Variants in CBLN2 observed in about 807,000 individuals in gnomAD.
The protein encoded by CBLN2 is cerebellin 2 precursor, also known as cerebellin-2.
A neutral mutation model predicts 15.0 loss-of-function variants in CBLN2; 7 were observed. The ratio of observed to expected loss-of-function variants is 0.47; its 90% CI spans 0.27 to 0.88. The LOEUF (loss-of-function observed/expected upper bound fraction) is 0.88, where lower values mean the gene tolerates loss of function less well. Among genes scored for constraint, CBLN2 ranks in the 40% least tolerant of loss-of-function variants. The pLI is 0.14. For missense variants in CBLN2, 242 were observed against 304.5 expected, an observed-to-expected ratio of 0.79 and a Z score of 1.53; for synonymous variants, 149 against 135.2, an observed-to-expected ratio of 1.10 and a Z score of -0.71.
chr18:72,540,028 C>T (rs956668506), intron 3 of CBLN2: 2 of 152,220 alleles, frequency 1.3e-5, no homozygotes, highest in Non-Finnish European at 2.9e-5. Context: ...GCTTCTTCAA[C>T]CCAGCTGTGA....
intron 4 of CBLN2, 108 bp downstream of exon 4, chr18:72,538,545 C>A: frequency 6.6e-7 from 1 of 1,506,640 alleles, no homozygotes; most frequent in Non-Finnish European, 9.1e-7. Context: ...ACCCCCTGGA[C>A]AGACCAGTAC....
At chr18:72,545,840 G>A (rs1253361051), upstream of CBLN2, among the ~76,000 whole-genome samples, 2 of 152,168 alleles carry the variant, frequency 1.3e-5, no homozygotes, top group African/African-American at 2.4e-5. Flanking sequence ...AATACTGTAA[G>A]CATTCCTTTT....
chr18:72,601,822 G>T (rs1375367397), intron 1 of CBLN2, among the ~76,000 whole-genome samples: 1 of 152,180 alleles, frequency 6.6e-6, no homozygotes, highest in African/African-American at 2.4e-5. Context: ...CCCCTCCACA[G>T]ACTCTTTTGT....
chr18:72,625,923 G>A (rs1024128952), intron 1 of CBLN2, among the ~76,000 whole-genome samples: 1 of 150,042 alleles, frequency 6.7e-6, no homozygotes, highest in Non-Finnish European at 1.5e-5. Flanking sequence ...TGTTGTGATT[G>A]AGGCTACTCC....
chr18:72,555,984 T>G (rs971382647), intron 1 of CBLN2, among the ~76,000 whole-genome samples: 3 of 152,156 alleles, frequency 2.0e-5, no homozygotes, highest in African/African-American at 4.8e-5. Flanking sequence ...CACCCCCCAG[T>G]TGAACCATTC....
chr18:72,615,184 T>TAGAAAA (rs1207034773), intron 1 of CBLN2, among the ~76,000 whole-genome samples: 1 of 133,234 alleles, frequency 7.5e-6, no homozygotes, highest in Non-Finnish European at 1.6e-5. Context: ...TATTTATATA[T>TAGAAAA]TATATATAAA....
intron 1 of CBLN2, among the ~76,000 whole-genome samples, chr18:72,633,035 G>T (rs1200472477): frequency 6.6e-6 from 1 of 152,122 alleles, no homozygotes; most frequent in African/African-American, 2.4e-5. Flanking sequence ...TTTGTTAAAT[G>T]AAAAAGTCGC....
chr18:72,561,470 C>T (rs2069260958), intron 1 of CBLN2, among the ~76,000 whole-genome samples: 1 of 152,132 alleles, frequency 6.6e-6, no homozygotes, highest in African/African-American at 2.4e-5. Flanking sequence ...TCTCTCTTTC[C>T]TCTCTGTCTT....
rs528956419 is a variant in CBLN2 at position 72,555,429 on chromosome 18, T to A, written c.16-16657A>T. ...AAGAAATTCACGGTGAATATGTGTT[T>A]GACTATGTGTGTGTGGGCGTGTGTG... On this transcript the variant is annotated intron_variant, in intron 1 of 2. Transcript: ENST00000581073. Among the ~76,000 whole-genome samples the A allele has an allele frequency of 2.7e-5, 4 of 148,716 alleles. No individual in the cohort carries two copies. The East Asian group carries it at 7.8e-4, about 29-fold the overall frequency.
chr18:72,570,782 A>C (rs1268455889), intron 1 of CBLN2, among the ~76,000 whole-genome samples: 3 of 152,172 alleles, frequency 2.0e-5, no homozygotes, highest in Non-Finnish European at 2.9e-5. Flanking sequence ...GAGAGCTGCA[A>C]CAAGAAGGCA....
At position 72,584,475 on chromosome 18, in the gene CBLN2, A is replaced by T. The variant is rs951802345; in HGVS notation, c.16-45703T>A. Among the ~76,000 whole-genome samples the T allele has an allele frequency of 7.3e-5, 11 of 151,224 alleles. No individual in the cohort carries two copies. In the South Asian group the frequency reaches 1.3e-3, roughly 17 times the overall value. ...TGCCACCATGCCCAGCTAATTTTTT[A>T]ATTTTTTTAGTAGAGCTAGGGTTTC... On this transcript the variant is annotated intron_variant, in intron 1 of 2. Coordinates refer to the CBLN2 transcript ENST00000581073.
chr18:72,630,547 C>CA (rs1167450051), intron 1 of CBLN2, among the ~76,000 whole-genome samples: 1 of 106,760 alleles, frequency 9.4e-6, no homozygotes, highest in African/African-American at 4.7e-5. Context: ...ACCCTCCCCC[C>CA]CACACACACA....
intron 1 of CBLN2, among the ~76,000 whole-genome samples, chr18:72,556,739 T>C (rs2144888046): frequency 6.6e-6 from 1 of 151,072 alleles, no homozygotes; most frequent in South Asian, 2.1e-4. Flanking sequence ...ATAAGAAAAG[T>C]GGAAATTAAA....
intron 1 of CBLN2, among the ~76,000 whole-genome samples, chr18:72,574,285 A>T (rs2069350723): frequency 6.6e-6 from 1 of 152,166 alleles, no homozygotes; most frequent in Non-Finnish European, 1.5e-5. Flanking sequence ...TTTAAATTTT[A>T]ATCAAGTTTT....
intron 1 of CBLN2, among the ~76,000 whole-genome samples, chr18:72,585,476 A>G (rs1414558002): frequency 1.3e-5 from 2 of 152,106 alleles, no homozygotes; most frequent in Non-Finnish European, 2.9e-5. Flanking sequence ...GGAAACCCAG[A>G]GTGGGTAGCT....
At chr18:72,617,749 T>C (rs1407595671) in intron 1 of CBLN2, among the ~76,000 whole-genome samples, 1 of 152,188 alleles carries the variant, frequency 6.6e-6, no homozygotes, top group East Asian at 1.9e-4. Flanking sequence ...TCCTCCTGTC[T>C]TCCTCTATGA....
At position 72,538,569 on chromosome 18, in the gene CBLN2, GCCTC is replaced by G; in HGVS notation, c.477+80_477+83del. On this transcript the variant is annotated intron_variant, in intron 4 of 4. Coordinates refer to ENST00000269503, the MANE Select transcript of CBLN2 (RefSeq NM_182511.4). ...ACAGACCAGTACCCTGTCTCCCTCA[GCCTC>G]AGAGACCAGGTGAAGGGGCCTTTAG... 5.7e-6 allele frequency: 9 copies of G among 1,566,136 alleles called. No individual in the cohort carries two copies. The Admixed American group carries it at 1.5e-4, about 27-fold the overall frequency.
chr18:72,637,478 T>C (rs1369750436), intron 1 of CBLN2, among the ~76,000 whole-genome samples: 1 of 152,204 alleles, frequency 6.6e-6, no homozygotes, highest in Non-Finnish European at 1.5e-5. Flanking sequence ...GTGGTTTTTC[T>C]GGGCACAGAG....
At chr18:72,609,178 G>A (rs2069604335) in intron 1 of CBLN2, among the ~76,000 whole-genome samples, 1 of 152,064 alleles carries the variant, frequency 6.6e-6, no homozygotes, top group African/African-American at 2.4e-5. Context: ...ACTTACTAAT[G>A]CATTTGCATA....
Sources: allele counts gnomAD v4.1 joint callset (sites outside exome capture counted in the v4.1 genomes callset), GRCh38; gene constraint gnomAD v4.1.1; transcripts MANE v1.5; gene names NCBI Gene and HGNC (gene_info 2026-07-23, HGNC 2026-07-21).